The following BAZ2B variants were observed in gnomAD, a reference collection of about 807,000 sequenced individuals.
The protein encoded by BAZ2B is bromodomain adjacent to zinc finger domain 2B.
A neutral mutation model predicts 246.0 loss-of-function variants in BAZ2B; 91 were observed. That is an observed-to-expected ratio of 0.37 (90% CI 0.31 to 0.44). The LOEUF (loss-of-function observed/expected upper bound fraction) is 0.44. Ranked by LOEUF, BAZ2B falls within the 20% of genes least tolerant of loss-of-function variation. The pLI, the probability that BAZ2B is intolerant of heterozygous loss-of-function variation, is 1.00. For missense variants in BAZ2B, 2,332 were observed against 2,533.7 expected (o/e 0.92, Z 1.71); for synonymous variants, 855 against 860.0 (o/e 0.99, Z 0.10).
chr2:159,394,721 A>G (rs1370129359), intron 20 of BAZ2B, among the ~76,000 whole-genome samples: 1 of 152,202 alleles, frequency 6.6e-6, no homozygotes, highest in Non-Finnish European at 1.5e-5. Flanking sequence ...CAAGAACTTT[A>G]CATACACAGA....
At chr2:159,339,244 A>G (rs2066204930) in intron 31 of BAZ2B, among the ~76,000 whole-genome samples, 1 of 152,138 alleles carries the variant, frequency 6.6e-6, no homozygotes, top group Admixed American at 6.5e-5. Context: ...AGAAAACCCA[A>G]AATAAATATA....
At chr2:159,407,812 T>A (rs2066196493) in intron 14 of BAZ2B, among the ~76,000 whole-genome samples, 1 of 152,214 alleles carries the variant, frequency 6.6e-6, no homozygotes, top group South Asian at 2.1e-4. Flanking sequence ...AAAGATGTCC[T>A]GTTCACTAAA....
chr2:159,560,884 T>C (rs922140047), intron 1 of BAZ2B, among the ~76,000 whole-genome samples: 1 of 152,154 alleles, frequency 6.6e-6, no homozygotes, highest in Admixed American at 6.5e-5. Context: ...AAGATTATTA[T>C]TCAGTATGGA....
At chr2:159,682,585 A>G in the BAZ2B span, among the ~76,000 whole-genome samples, 164 of 152,320 alleles carry the variant, frequency 1.1e-3, no homozygotes, top group South Asian at 0.019. Flanking sequence ...GTTGAAGTAA[A>G]TCTGGGGAGA....
At chr2:159,680,522 G>T in the BAZ2B span, among the ~76,000 whole-genome samples, 1 of 152,292 alleles carries the variant, frequency 6.6e-6, no homozygotes, top group Non-Finnish European at 1.5e-5. Context: ...ACCAAAAACT[G>T]AAGAGTAATA....
chr2:159,565,866 A>G (rs1682438280), intron 1 of BAZ2B, among the ~76,000 whole-genome samples: 1 of 152,154 alleles, frequency 6.6e-6, no homozygotes, highest in Admixed American at 6.5e-5. Context: ...TAATAAATAT[A>G]AGACATGAAA....
chr2:159,528,600 T>C (rs2085009644), intron 2 of BAZ2B, among the ~76,000 whole-genome samples: 4 of 151,704 alleles, frequency 2.6e-5, no homozygotes, highest in Admixed American at 2.6e-4. Context: ...GGAGAATCAC[T>C]TGAACCTGGG....
Position 159,395,681 on chromosome 2 carries a change from T to C in BAZ2B, c.3075+88A>G, listed in dbSNP as rs2063916342. ...ACCAGTAAATCACAACAAACCTATATTCTGAAAAATTTATATTTAGAAGAG... is the reference window on the plus strand; with the variant it reads ...ACCAGTAAATCACAACAAACCTATACTCTGAAAAATTTATATTTAGAAGAG... On this transcript the variant is annotated intron_variant, in intron 20 of 36. Transcript: ENST00000392783. 3.3e-6 allele frequency: 4 copies of C among 1,226,960 alleles called. No homozygotes were observed. In the East Asian group the frequency reaches 1.0e-4, roughly 32 times the overall value. The allele number at this position is 1,226,960 out of a possible 1,614,324, so 76.0% of individuals were successfully genotyped here.
intron 25 of BAZ2B, among the ~76,000 whole-genome samples, chr2:159,380,281 G>C (rs1233130564): frequency 1.3e-5 from 2 of 152,078 alleles, no homozygotes; most frequent in Non-Finnish European, 2.9e-5. Flanking sequence ...CACAATGCTT[G>C]AAATAGTCAT....
the BAZ2B span, chr2:159,693,993 T>C: frequency 5.9e-5 from 9 of 152,220 alleles, no homozygotes; most frequent in East Asian, 3.8e-4. Flanking sequence ...TCAAGTGTTG[T>C]GTCTCCCTCC....
At chr2:159,332,517 G>A (rs748455327) in intron 34 of BAZ2B, 23 bp downstream of exon 34, 1 of 1,569,342 alleles carries the variant, frequency 6.4e-7, no homozygotes, top group South Asian at 1.2e-5. Flanking sequence ...AAAATGAAAA[G>A]TTTAGTTTTA....
chr2:159,706,327 A>G, the BAZ2B span, among the ~76,000 whole-genome samples: 3 of 152,240 alleles, frequency 2.0e-5, no homozygotes, highest in Non-Finnish European at 2.9e-5. Context: ...AGCTTTTTAT[A>G]AAATTGTACA....
intron 1 of BAZ2B, among the ~76,000 whole-genome samples, chr2:159,607,835 A>C (rs1693848168): frequency 6.6e-6 from 1 of 152,198 alleles, no homozygotes; most frequent in South Asian, 2.1e-4. Context: ...ATGAGAAGCC[A>C]TCTCTCTCCT....
chr2:159,599,963 A>AG, intron 1 of BAZ2B, among the ~76,000 whole-genome samples: 1 of 151,688 alleles, frequency 6.6e-6, no homozygotes, highest in South Asian at 2.1e-4. Flanking sequence ...AGAAAAGAAA[A>AG]AGAAAGAAAG....
chr2:159,372,686 AG>A (rs1173282316), intron 27 of BAZ2B, among the ~76,000 whole-genome samples: 6 of 152,252 alleles, frequency 3.9e-5, no homozygotes, highest in Non-Finnish European at 8.8e-5. Flanking sequence ...GGTTACTGTC[AG>A]GATGTATGCT....
chr2:159,501,113 ATATATATATAATATATATATATATTT>A (rs1559627818), intron 2 of BAZ2B, among the ~76,000 whole-genome samples: 2 of 75,378 alleles, frequency 2.7e-5, no homozygotes, highest in East Asian at 3.1e-4. Flanking sequence ...CTGTTTAAAA[ATATATATATAATATATATATATATTT>A]TATATATATA....
rs190890368 is a variant in BAZ2B, at chr2:159,347,478, G to T, written c.5454+8C>A. 1 of 1,611,820 alleles carries T rather than the reference G, an allele frequency of 6.2e-7. No individual in the cohort carries two copies. The highest frequency in any genetic ancestry group is 8.5e-7 in the Non-Finnish European group (1 of 1,178,312). ...CTAAAAACATATTTTATTCCAAGTC[G>T]ATTTTACCTTCACTTGCAAACTTGC... On this transcript the variant is annotated splice_region_variant and intron_variant, in intron 31 of 36. Transcript: ENST00000392783.
intron 2 of BAZ2B, among the ~76,000 whole-genome samples, chr2:159,550,835 T>C (rs1256152379): frequency 6.6e-6 from 1 of 151,564 alleles, no homozygotes; most frequent in African/African-American, 2.4e-5. Flanking sequence ...AAGAGAAAAA[T>C]AGAAAAAAAA....
chr2:159,554,245 T>A (rs1419253390), intron 2 of BAZ2B, among the ~76,000 whole-genome samples: 2 of 152,034 alleles, frequency 1.3e-5, no homozygotes, highest in East Asian at 3.8e-4. Context: ...GGAAAAAAAA[T>A]TTAAATAAAA....
Sources: allele counts gnomAD v4.1 joint callset (sites outside exome capture counted in the v4.1 genomes callset), GRCh38; gene constraint gnomAD v4.1.1; transcripts MANE v1.5; gene names NCBI Gene and HGNC (gene_info 2026-07-23, HGNC 2026-07-21).